Variants in PCDH11X observed in about 807,000 individuals in gnomAD.
PCDH11X encodes the protein protocadherin-11 X-linked.
PCDH11X carries 18 observed loss-of-function variants against 53.3 expected under a neutral mutation model. That is an observed-to-expected ratio of 0.34 (90% CI 0.23 to 0.50). The LOEUF (loss-of-function observed/expected upper bound fraction) is 0.50, where lower values mean the gene tolerates loss of function less well. Ranked by LOEUF, PCDH11X falls within the 20% of genes least tolerant of loss-of-function variation. PCDH11X has a pLI of 0.98. For synonymous variants in PCDH11X, 279 were observed against 393.3 expected (o/e 0.71, Z 3.44); for missense variants, 570 against 1,032.4 (o/e 0.55, Z 6.14).
At chrX:92,477,277 T>C (rs2073407705) in intron 10 of PCDH11X, among the ~76,000 whole-genome samples, 1 of 102,989 alleles carries the variant, frequency 9.7e-6, no homozygotes, top group Non-Finnish European at 2.0e-5. Flanking sequence ...TAAGTGGTAT[T>C]CTATTGTACG....
chrX:92,598,815 GAAAATATAAAATT>G (rs2148805208), intron 10 of PCDH11X, among the ~76,000 whole-genome samples: 1 of 98,527 alleles, frequency 1.0e-5, no homozygotes, highest in Non-Finnish European at 2.0e-5. Context: ...AATGGATAAA[GAAAATATAAAATT>G]TATACACAAT....
intron 6 of PCDH11X, among the ~76,000 whole-genome samples, chrX:91,978,526 A>G (rs1251388816): frequency 9.1e-6 from 1 of 109,841 alleles, no homozygotes; most frequent in Non-Finnish European, 1.9e-5. Context: ...TCATTTTTGT[A>G]TTAACAACAC....
chrX:92,546,825 G>C lies in PCDH11X; in HGVS notation c.3368-71439G>C, dbSNP rs973495907. The stretch of plus-strand genomic sequence containing the variant: ...TAAAAAATAGTATATCTGAAAGTGA[G>C]CTTTAGATACTGCCCTTATATTGGG... On this transcript the variant is annotated intron_variant, in intron 10 of 10. Coordinates refer to ENST00000682573, the MANE Select transcript of PCDH11X (RefSeq NM_032968.5). Among the ~76,000 whole-genome samples the C allele has an allele frequency of 2.7e-5, 3 of 111,941 alleles. 1 individual carries two copies. Among genetic ancestry groups the C allele is most frequent in the Admixed American group, 1.9e-4 (2 of 10,526 alleles).
At chrX:91,845,939 C>T (rs1204534394) in intron 5 of PCDH11X, among the ~76,000 whole-genome samples, 1 of 110,447 alleles carries the variant, frequency 9.1e-6, no homozygotes, top group East Asian at 2.9e-4. Flanking sequence ...ATTTTCTACT[C>T]AAATATACTA....
intron 6 of PCDH11X, among the ~76,000 whole-genome samples, chrX:92,172,350 TTTG>T (rs1170382845): frequency 9.2e-6 from 1 of 108,877 alleles, no homozygotes; most frequent in Non-Finnish European, 1.9e-5. Context: ...ACCAAAGTTT[TTTG>T]TTGTTGTTTT....
At chrX:92,053,258 T>C (rs1417130361) in intron 6 of PCDH11X, among the ~76,000 whole-genome samples, 1 of 110,425 alleles carries the variant, frequency 9.1e-6, no homozygotes, top group Non-Finnish European at 1.9e-5. Context: ...ACGTGTATCC[T>C]GAGGCACAGG....
intron 8 of PCDH11X, among the ~76,000 whole-genome samples, chrX:92,334,848 G>C (rs904886333): frequency 9.0e-6 from 1 of 110,535 alleles, no homozygotes. Context: ...TAAGAATACA[G>C]TAGGTAGTAC....
At chrX:91,963,504 C>T (rs1164351374) in intron 6 of PCDH11X, among the ~76,000 whole-genome samples, 1 of 111,037 alleles carries the variant, frequency 9.0e-6, no homozygotes, top group Admixed American at 9.5e-5. Context: ...ATTGTCCATA[C>T]CACTATCAGC....
intron 6 of PCDH11X, among the ~76,000 whole-genome samples, chrX:91,887,812 T>C (rs1260854067): frequency 9.0e-6 from 1 of 111,206 alleles, no homozygotes; most frequent in Non-Finnish European, 1.9e-5. Flanking sequence ...TATAGATGTA[T>C]GATTGGACAA....
At chrX:91,950,092 C>A (rs1469149470) in intron 6 of PCDH11X, among the ~76,000 whole-genome samples, 1 of 110,529 alleles carries the variant, frequency 9.0e-6, no homozygotes, top group Non-Finnish European at 1.9e-5. Context: ...TATATTTCAG[C>A]ATTTCAAAAT....
chrX:91,915,606 T>C (rs1184765850), intron 6 of PCDH11X, among the ~76,000 whole-genome samples: 1 of 111,482 alleles, frequency 9.0e-6, no homozygotes, highest in Non-Finnish European at 1.9e-5. Flanking sequence ...GGACATCATA[T>C]AATGATAAAA....
intron 5 of PCDH11X, among the ~76,000 whole-genome samples, chrX:91,842,025 A>G (rs1433011524): frequency 1.1e-5 from 1 of 94,071 alleles, no homozygotes; most frequent in Non-Finnish European, 2.1e-5. Context: ...TTACCAGGGT[A>G]TGAGTTTGGA....
intron 10 of PCDH11X, among the ~76,000 whole-genome samples, chrX:92,537,686 G>T (rs2074688591): frequency 9.8e-6 from 1 of 102,365 alleles, no homozygotes; most frequent in African/African-American, 3.5e-5. Flanking sequence ...TAGAACAATG[G>T]ACCAGAATAG....
Position 92,410,954 on chromosome X carries a change from A to G in PCDH11X, c.3343+23021A>G, listed in dbSNP as rs754375039. On this transcript the variant is annotated intron_variant, in intron 9 of 10. Coordinates refer to ENST00000682573, the MANE Select transcript of PCDH11X (RefSeq NM_032968.5). ...CTGCAAACTCTGTAAGAAGCAAAAT[A>G]TATTCATGTGGTATCAGTCACTGAG... Among the ~76,000 whole-genome samples the G allele has an allele frequency of 9.9e-4, 109 of 110,062 alleles. 1 individual carries two copies. The highest frequency in any genetic ancestry group is 3.5e-3 in the African/African-American group (105 of 29,858).
intron 8 of PCDH11X, among the ~76,000 whole-genome samples, chrX:92,368,780 G>C (rs2070536530): frequency 9.1e-6 from 1 of 109,402 alleles, no homozygotes; most frequent in Admixed American, 9.7e-5. Context: ...GCTGTAGTTT[G>C]CTGGAGGTCC....
chrX:91,946,161 T>C (rs758931355), intron 6 of PCDH11X, among the ~76,000 whole-genome samples: 3 of 109,322 alleles, frequency 2.7e-5, no homozygotes, highest in African/African-American at 9.9e-5. Flanking sequence ...CCTTTAGATA[T>C]AGACATTATT....
At chrX:92,332,449 A>G (rs898576545) in intron 8 of PCDH11X, among the ~76,000 whole-genome samples, 2 of 110,867 alleles carry the variant, frequency 1.8e-5, no homozygotes, top group African/African-American at 6.7e-5. Context: ...AAAGGTGAAG[A>G]CCATAAGATG....
chrX:92,091,187 G>A (rs2759968), intron 6 of PCDH11X, among the ~76,000 whole-genome samples: 1,888 of 110,931 alleles, frequency 0.017, 58 homozygotes, highest in African/African-American at 0.06. Flanking sequence ...TATAGTTCTT[G>A]AAACAGGAAG....
chrX:91,861,678 A>G (rs1301083078), intron 5 of PCDH11X, among the ~76,000 whole-genome samples: 2 of 112,013 alleles, frequency 1.8e-5, no homozygotes, highest in African/African-American at 6.5e-5. Context: ...GAGATTCTGC[A>G]CAATTCTGTG....
Sources: gnomAD v4.1 joint callset for allele counts (sites outside exome capture counted in the v4.1 genomes callset) on GRCh38, gnomAD v4.1.1 for gene constraint, MANE v1.5 for transcripts, NCBI Gene and HGNC (gene_info 2026-07-23, HGNC 2026-07-21) for gene names.